PTK2: variants seen among roughly 807,000 people sequenced by gnomAD.
PTK2 encodes focal adhesion kinase 1.
PTK2 carries 45 observed loss-of-function variants against 150.1 expected under a neutral mutation model. The ratio of observed to expected loss-of-function variants is 0.30; its 90% CI spans 0.24 to 0.38. The LOEUF is 0.38. Ranked by LOEUF, PTK2 falls within the 10% of genes least tolerant of loss-of-function variation. The pLI is 1.00. For synonymous variants in PTK2, 432 were observed against 449.2 expected (o/e 0.96, Z 0.48); for missense variants, 919 against 1,307.3 (o/e 0.70, Z 4.58).
At chr8:140,877,969 A>G (rs1476011390) in intron 4 of PTK2, among the ~76,000 whole-genome samples, 1 of 152,190 alleles carries the variant, frequency 6.6e-6, no homozygotes, top group Non-Finnish European at 1.5e-5. Flanking sequence ...GACTTGTGTT[A>G]AATAAAAGTA....
chr8:140,833,175 T>TA (rs141534503), intron 7 of PTK2: 4,167 of 297,552 alleles, frequency 0.014, 5 homozygotes, highest in South Asian at 0.021. Context: ...ACAACTCCAT[T>TA]AAAAAAAAAA....
intron 18 of PTK2, 167 bp downstream of exon 21, chr8:140,746,593 T>A (rs2100058901): frequency 2.0e-6 from 1 of 488,146 alleles, no homozygotes; most frequent in Non-Finnish European, 3.6e-6. Context: ...GGGAATTTAA[T>A]GATGAAGATA....
chr8:140,912,649 G>C (rs1273549738), intron 2 of PTK2, among the ~76,000 whole-genome samples: 1 of 151,860 alleles, frequency 6.6e-6, no homozygotes, highest in Non-Finnish European at 1.5e-5. Context: ...AGAATTGAAA[G>C]GAACCTTTTT....
chr8:140,789,633 G>C, intron 13 of PTK2, 107 bp from the exon 14 acceptor site: 1 of 972,656 alleles, frequency 1.0e-6, no homozygotes, highest in Non-Finnish European at 1.5e-6. Context: ...CAAAATTTTA[G>C]ATACGTGATT....
intron 14 of PTK2, among the ~76,000 whole-genome samples, chr8:140,782,547 T>A (rs2100082424): frequency 6.6e-6 from 1 of 152,134 alleles, no homozygotes; most frequent in South Asian, 2.1e-4. Flanking sequence ...CTAAATTTAG[T>A]TTTACTTTTT....
intron 1 of PTK2, chr8:140,927,238 T>C (rs1209174316): frequency 4.6e-5 from 7 of 152,170 alleles, no homozygotes; most frequent in Non-Finnish European, 5.9e-5. Context: ...AAAACAAACA[T>C]AGAACTTTTA....
At chr8:140,944,142 T>C (rs1330123936) in intron 1 of PTK2, among the ~76,000 whole-genome samples, 2 of 152,216 alleles carry the variant, frequency 1.3e-5, no homozygotes, top group Admixed American at 1.3e-4. Context: ...TAAGATCCTA[T>C]GCAAAGTTGC....
chr8:140,893,343 G>T (rs1465312091), intron 2 of PTK2, among the ~76,000 whole-genome samples: 7 of 152,134 alleles, frequency 4.6e-5, no homozygotes, highest in Admixed American at 4.6e-4. Flanking sequence ...CATGTGAATG[G>T]TCACAGCAGC....
chr8:140,739,688 A>G, intron 20 of PTK2, among the ~76,000 whole-genome samples: 1 of 152,140 alleles, frequency 6.6e-6, no homozygotes, highest in African/African-American at 2.4e-5. Flanking sequence ...GTGTTAAGTG[A>G]CTTGCCCAAG....
intron 24 of PTK2, among the ~76,000 whole-genome samples, chr8:140,703,195 G>A (rs181656526): frequency 9.2e-5 from 14 of 152,064 alleles, no homozygotes; most frequent in East Asian, 5.8e-4. Context: ...CCCGGGAGGC[G>A]GAGCTTGCAG....
intron 1 of PTK2, among the ~76,000 whole-genome samples, chr8:140,947,955 A>C (rs2100178245): frequency 6.6e-6 from 1 of 152,214 alleles, no homozygotes. Flanking sequence ...TTTCTGGTAT[A>C]GGTGTTAACA....
intron 29 of PTK2, among the ~76,000 whole-genome samples, chr8:140,671,288 C>A (rs2153199298): frequency 6.6e-6 from 1 of 152,230 alleles, no homozygotes; most frequent in Non-Finnish European, 1.5e-5. Context: ...GTAGTGTGAT[C>A]TCAGCTCACC....
At chr8:141,001,229 T>G (rs2100200147) in exon 1 of PTK2, 1 of 148,658 alleles carries the variant, frequency 6.7e-6, no homozygotes, top group African/African-American at 2.4e-5. Flanking sequence ...GGGCTCACAG[T>G]GGTCCGGGAC....
chr8:140,876,019 T>C (rs1299817444), intron 4 of PTK2, among the ~76,000 whole-genome samples: 1 of 152,236 alleles, frequency 6.6e-6, no homozygotes, highest in Non-Finnish European at 1.5e-5. Flanking sequence ...TTAAAAGATG[T>C]TTAAAATTTT....
chr8:140,971,592 T>A (rs1157094706), intron 1 of PTK2, among the ~76,000 whole-genome samples: 1 of 152,268 alleles, frequency 6.6e-6, no homozygotes, highest in Non-Finnish European at 1.5e-5. Flanking sequence ...GACTTGATGT[T>A]TCTTAATGGA....
rs559017225 is a variant in PTK2, at chr8:140,789,294, A to C, written c.1177+180T>G. ...ATGTCCCATCTTAAAAAAAAAAAAA[A>C]AAAACTATGAGCCATACTTAAAACT... On this transcript the variant is annotated intron_variant, in intron 14 of 31. Coordinates refer to ENST00000522684, the Ensembl canonical transcript of PTK2. 4.5e-3 allele frequency among the ~76,000 whole-genome samples: 686 copies of C among 152,178 alleles called. 4 individuals are homozygous for C. The highest frequency in any genetic ancestry group is 0.015 in the African/African-American group (643 of 41,556).
intron 26 of PTK2, among the ~76,000 whole-genome samples, chr8:140,695,624 ACTC>A (rs1486247594): frequency 6.6e-6 from 1 of 151,248 alleles, no homozygotes; most frequent in Non-Finnish European, 1.5e-5. Flanking sequence ...TTGGTCTTGA[ACTC>A]CTGACCTCAG....
chr8:140,662,732 G>A (rs1563798982), intron 31 of PTK2: 2 of 590,494 alleles, frequency 3.4e-6, no homozygotes, highest in Admixed American at 4.1e-5. Context: ...CCTGGACATC[G>A]TATGTCTCTG....
At chr8:140,912,154 G>A (rs187581788) in intron 2 of PTK2, among the ~76,000 whole-genome samples, 1 of 151,996 alleles carries the variant, frequency 6.6e-6, no homozygotes. Flanking sequence ...GAGGCAGGAG[G>A]ACTGCTTGAG....
Sources: gnomAD v4.1 joint callset for allele counts (sites outside exome capture counted in the v4.1 genomes callset) on GRCh38, gnomAD v4.1.1 for gene constraint, MANE v1.5 for transcripts, NCBI Gene and HGNC (gene_info 2026-07-23, HGNC 2026-07-21) for gene names.